The following REEP1 variants were observed in gnomAD, a reference collection of about 807,000 sequenced individuals.
REEP1 encodes receptor expression-enhancing protein 1.
REEP1 carries 22 observed loss-of-function variants against 40.3 expected under a neutral mutation model. That is an observed-to-expected ratio of 0.55 (90% CI 0.39 to 0.78). The LOEUF (loss-of-function observed/expected upper bound fraction) is 0.78. Among genes scored for constraint, REEP1 ranks in the 30% least tolerant of loss-of-function variants. The probability of loss-of-function intolerance (pLI) is 0.00; values close to 1 mark genes in which losing one functional copy is unlikely to be tolerated. For synonymous variants in REEP1, 116 were observed against 139.2 expected (o/e 0.83, Z 1.17); for missense variants, 280 against 361.1 (o/e 0.78, Z 1.82).
chr2:86,336,216 C>G (rs909549693), intron 1 of REEP1, among the ~76,000 whole-genome samples: 1 of 152,226 alleles, frequency 6.6e-6, no homozygotes, highest in African/African-American at 2.4e-5. Context: ...CCTCAAGGTG[C>G]AGCGCAAACA....
intron 3 of REEP1, among the ~76,000 whole-genome samples, chr2:86,255,179 T>A (rs961260091): frequency 2.6e-5 from 4 of 152,106 alleles, no homozygotes; most frequent in African/African-American, 9.7e-5. Flanking sequence ...GCTCAGAGGA[T>A]CTCTTCTACG....
At chr2:86,322,337 A>C (rs1680304089) in intron 1 of REEP1, among the ~76,000 whole-genome samples, 1 of 152,140 alleles carries the variant, frequency 6.6e-6, no homozygotes, top group African/African-American at 2.4e-5. Context: ...TGAGGCCAGG[A>C]GTTCAAGACC....
At chr2:86,243,245 G>C (rs1675764898) in intron 5 of REEP1, among the ~76,000 whole-genome samples, 1 of 152,142 alleles carries the variant, frequency 6.6e-6, no homozygotes, top group Non-Finnish European at 1.5e-5. Flanking sequence ...GGGAATCAGA[G>C]AGAAGAGGAG....
At chr2:86,294,769 A>G (rs545539989) in intron 1 of REEP1, among the ~76,000 whole-genome samples, 4 of 151,938 alleles carry the variant, frequency 2.6e-5, no homozygotes, top group South Asian at 4.2e-4. Context: ...ATAGATAGAT[A>G]GGTTTCTAAC....
intron 5 of REEP1, among the ~76,000 whole-genome samples, chr2:86,233,886 C>G (rs925879470): frequency 6.6e-6 from 1 of 151,528 alleles, no homozygotes; most frequent in Non-Finnish European, 1.5e-5. Context: ...AAAGAGTGGT[C>G]CCAGAGATCT....
Position 86,225,820 on chromosome 2 carries a change from C to T in REEP1, c.631+1543G>A, listed in dbSNP as rs116622545. On this transcript the variant is annotated intron_variant, in intron 7 of 8. Coordinates refer to ENST00000538924, the MANE Select transcript of REEP1 (RefSeq NM_001371279.1). ...TGCAGGCCAGGCACGGCCCCTCTTG[C>T]CTTCCAAGCCTAAGGCAGCTTCTCT... Among the ~76,000 whole-genome samples, 626 of 152,330 alleles carry T rather than the reference C, an allele frequency of 4.1e-3. 4 individuals are homozygous for T. The highest frequency in any genetic ancestry group is 0.014 in the African/African-American group (600 of 41,580).
intron 5 of REEP1, chr2:86,251,573 C>A: frequency 3.1e-6 from 1 of 323,544 alleles, no homozygotes; most frequent in South Asian, 2.8e-5. Flanking sequence ...CCCTAGGAAA[C>A]TGCAGAGAAG....
At chr2:86,243,458 CG>C (rs1013385572) in intron 5 of REEP1, among the ~76,000 whole-genome samples, 1 of 152,194 alleles carries the variant, frequency 6.6e-6, no homozygotes, top group African/African-American at 2.4e-5. Flanking sequence ...TAAGTAATGT[CG>C]GACCGCCAAC....
At chr2:86,236,363 T>G (rs999414224) in intron 5 of REEP1, among the ~76,000 whole-genome samples, 1 of 152,242 alleles carries the variant, frequency 6.6e-6, no homozygotes, top group African/African-American at 2.4e-5. Context: ...TCTTTGTTAT[T>G]CTAGACCATT....
chr2:86,281,560 G>A (rs1459966396), intron 2 of REEP1, among the ~76,000 whole-genome samples: 5 of 152,120 alleles, frequency 3.3e-5, no homozygotes, highest in East Asian at 3.9e-4. Context: ...CCCGGGAGGC[G>A]GAGGTTGCAG....
intron 7 of REEP1, among the ~76,000 whole-genome samples, chr2:86,225,793 G>A (rs1272791574): frequency 2.6e-5 from 4 of 152,222 alleles, no homozygotes; most frequent in Non-Finnish European, 5.9e-5. Context: ...CAGCCAGCAG[G>A]CTGCAGGCCA....
intron 3 of REEP1, among the ~76,000 whole-genome samples, chr2:86,256,125 G>A (rs1240072242): frequency 3.3e-5 from 5 of 151,932 alleles, no homozygotes; most frequent in African/African-American, 7.3e-5. Flanking sequence ...GAGGTGGGTG[G>A]ATCACAAGGT....
At chr2:86,244,731 A>T (rs939609560) in intron 5 of REEP1, among the ~76,000 whole-genome samples, 1 of 152,240 alleles carries the variant, frequency 6.6e-6, no homozygotes, top group East Asian at 1.9e-4. Flanking sequence ...AAAGGGGTGA[A>T]AAACAGGCAA....
chr2:86,283,877 C>T (rs1019374118), intron 1 of REEP1, among the ~76,000 whole-genome samples: 2 of 152,134 alleles, frequency 1.3e-5, no homozygotes, highest in East Asian at 1.9e-4. Context: ...CAGCCTCCTC[C>T]AAGCCTGGCT....
intron 1 of REEP1, among the ~76,000 whole-genome samples, chr2:86,326,223 C>T (rs1482027502): frequency 6.6e-6 from 1 of 152,168 alleles, no homozygotes; most frequent in African/African-American, 2.4e-5. Context: ...AGAACTTATT[C>T]ATCTTTATAT....
intron 8 of REEP1, among the ~76,000 whole-genome samples, chr2:86,218,210 T>C (rs1674231050): frequency 6.6e-6 from 1 of 152,116 alleles, no homozygotes; most frequent in South Asian, 2.1e-4. Context: ...CAACCAGGCA[T>C]CGTCACCTCC....
intron 3 of REEP1, among the ~76,000 whole-genome samples, chr2:86,261,552 C>A (rs1356204476): frequency 6.6e-6 from 1 of 152,198 alleles, no homozygotes; most frequent in East Asian, 1.9e-4. Context: ...TAAGAGTCAT[C>A]ACCACTCCCT....
chr2:86,276,675 A>G (rs1558908157), intron 2 of REEP1, among the ~76,000 whole-genome samples: 2 of 152,156 alleles, frequency 1.3e-5, no homozygotes, highest in Non-Finnish European at 2.9e-5. Context: ...TGACCAACAT[A>G]TGGTGGTGCT....
rs147521904 is a variant in REEP1, at chr2:86,244,486, G to A, written c.417+7471C>T. ...AACGCTTGGCTATCGCCTGTTGGCC[G>A]CTGACTATAATTGCAGGCCAAGTGC... On this transcript the variant is annotated intron_variant, in intron 5 of 8. Transcript: ENST00000538924. 1.4e-3 allele frequency among the ~76,000 whole-genome samples: 215 copies of A among 152,324 alleles called. 2 individuals are homozygous for A. Among genetic ancestry groups the A allele is most frequent in the East Asian group, 0.011 (56 of 5,190 alleles).
Sources: gnomAD v4.1 joint callset for allele counts (sites outside exome capture counted in the v4.1 genomes callset) on GRCh38, gnomAD v4.1.1 for gene constraint, MANE v1.5 for transcripts, NCBI Gene and HGNC (gene_info 2026-07-23, HGNC 2026-07-21) for gene names.